The following STON2 variants were observed in gnomAD, a reference collection of about 807,000 sequenced individuals.
STON2 encodes stonin-2.
STON2 carries 29 observed loss-of-function variants against 65.7 expected under a neutral mutation model. The observed-to-expected ratio is 0.44, with a 90% confidence interval of 0.33 to 0.60. The LOEUF (loss-of-function observed/expected upper bound fraction) is 0.60. Ranked by LOEUF, STON2 falls within the 20% of genes least tolerant of loss-of-function variation. The pLI is 0.03. For missense variants in STON2, 1,054 were observed against 1,118.1 expected (o/e 0.94, Z 0.82); for synonymous variants, 404 against 414.2 (o/e 0.98, Z 0.30).
intron 5 of STON2, among the ~76,000 whole-genome samples, chr14:81,313,809 ATAC>A (rs1329172574): frequency 3.9e-4 from 31 of 78,752 alleles, no homozygotes; most frequent in East Asian, 1.9e-3. Context: ...AAAAAAAAAA[ATAC>A]ACACACACAC....
intron 3 of STON2, among the ~76,000 whole-genome samples, chr14:81,377,612 C>A (rs2140384690): frequency 6.6e-6 from 1 of 152,268 alleles, no homozygotes; most frequent in African/African-American, 2.4e-5. Context: ...AGTGGTTGTA[C>A]CATTTTATAT....
chr14:81,412,181 T>C (rs1193823108), intron 2 of STON2, among the ~76,000 whole-genome samples: 1 of 140,014 alleles, frequency 7.1e-6, no homozygotes, highest in Non-Finnish European at 1.5e-5. Flanking sequence ...GAGAAGTCAC[T>C]GAAGAAGTTT....
chr14:81,415,452 A>G (rs1901382319), intron 2 of STON2, among the ~76,000 whole-genome samples: 1 of 152,054 alleles, frequency 6.6e-6, no homozygotes, highest in Non-Finnish European at 1.5e-5. Flanking sequence ...AGACAAATTA[A>G]GAGCCCCCAA....
upstream of STON2, among the ~76,000 whole-genome samples, chr14:81,401,651 C>T (rs138096496): frequency 8.2e-4 from 125 of 152,282 alleles, no homozygotes; most frequent in Non-Finnish European, 1.5e-3. Flanking sequence ...TTAGAATCAC[C>T]ACAAATGAGT....
chr14:81,385,230 C>A (rs777587595), intron 3 of STON2, among the ~76,000 whole-genome samples: 15 of 152,222 alleles, frequency 9.9e-5, no homozygotes, highest in Non-Finnish European at 1.5e-4. Flanking sequence ...ACATTCTCTG[C>A]AAGAGGAGAA....
chr14:81,270,850 G>T lies in STON2; in HGVS notation c.2604C>A (p.Phe868Leu). 2 of 1,613,298 alleles carry T rather than the reference G, an allele frequency of 1.2e-6. No homozygotes were observed. Among genetic ancestry groups the T allele is most frequent in the Non-Finnish European group, 1.7e-6 (2 of 1,180,028 alleles). The change falls in exon 7 of 8, where the codon TTC becomes TTA. Residue 868 changes from phenylalanine to leucine, a missense_variant. By Grantham distance (22) the Phe-to-Leu change is conservative. Coordinates refer to ENST00000614646, the MANE Select transcript of STON2 (RefSeq NM_001394390.1). ...KNSASGHPHC[F>L]FCHLELGSDR... ...CAGAGCCGAGTTCAAGGTGGCAAAA[G>T]AAACAGTGTGGGTGACCGGAAGCTA...
chr14:81,394,562 T>C lies in STON2; in HGVS notation c.373+1332A>G, dbSNP rs146859580. On this transcript the variant is annotated intron_variant, in intron 3 of 7. Transcript: ENST00000614646. ...GTTAAGGACCTTGAGATGGGGACAT[T>C]ATCCCGGTGAGCCCAGTGTAACCAC... is the stretch of plus-strand genomic sequence containing the variant. Among the ~76,000 whole-genome samples the C allele has an allele frequency of 1.9e-3, 295 of 152,258 alleles. 3 individuals are homozygous for C. The highest frequency in any genetic ancestry group is 1.9e-3 in the South Asian group (9 of 4,826).
At chr14:81,339,741 G>C (rs1897519646) in intron 4 of STON2, among the ~76,000 whole-genome samples, 1 of 152,136 alleles carries the variant, frequency 6.6e-6, no homozygotes, top group Non-Finnish European at 1.5e-5. Flanking sequence ...ACACTAAAAA[G>C]TTGCATTTGA....
intron 2 of STON2, among the ~76,000 whole-genome samples, chr14:81,397,124 G>C (rs1900364751): frequency 6.6e-6 from 1 of 152,146 alleles, no homozygotes; most frequent in Non-Finnish European, 1.5e-5. Flanking sequence ...ATGTATACAT[G>C]TGCTGAAATT....
At chr14:81,284,723 C>A (rs1361283428) in intron 5 of STON2, among the ~76,000 whole-genome samples, 1 of 152,132 alleles carries the variant, frequency 6.6e-6, no homozygotes, top group South Asian at 2.1e-4. Flanking sequence ...AAGATGCCAT[C>A]TAGGATGTTA....
At chr14:81,377,067 T>C (rs1385604596) in intron 3 of STON2, among the ~76,000 whole-genome samples, 2 of 152,180 alleles carry the variant, frequency 1.3e-5, no homozygotes, top group African/African-American at 4.8e-5. Flanking sequence ...TGTAGGTACA[T>C]GTATCCACCA....
Position 81,289,583 on chromosome 14 carries a change from T to C in STON2, c.743-10844A>G, listed in dbSNP as rs28551571. ...GGGAATTTATCTTAAACAGGCTTAT[T>C]TACTTATGTTGACCAGGAACTGACC... is the stretch of plus-strand genomic sequence containing the variant. On this transcript the variant is annotated intron_variant, in intron 5 of 7. Transcript: ENST00000614646. Among the ~76,000 whole-genome samples, 180 of 152,260 alleles carry C rather than the reference T, an allele frequency of 1.2e-3. 2 individuals are homozygous for C. The highest frequency in any genetic ancestry group is 3.9e-3 in the African/African-American group (163 of 41,550).
At chr14:81,397,172 T>G (rs1182376233) in intron 2 of STON2, among the ~76,000 whole-genome samples, 1 of 152,220 alleles carries the variant, frequency 6.6e-6, no homozygotes, top group Non-Finnish European at 1.5e-5. Context: ...TTTTTCTGTA[T>G]AAAGGTTTTT....
intron 5 of STON2, among the ~76,000 whole-genome samples, chr14:81,282,459 CCAGA>C (rs778503792): frequency 3.6e-4 from 55 of 152,202 alleles, no homozygotes; most frequent in Admixed American, 9.2e-4. Context: ...TTAAATCCTA[CCAGA>C]CAAATAATAA....
At chr14:81,424,650 G>C (rs10146257) in intron 2 of STON2, among the ~76,000 whole-genome samples, 31,288 of 151,980 alleles carry the variant, frequency 0.21, 4,908 homozygotes, top group African/African-American at 0.42. Flanking sequence ...ATAGTGGGAG[G>C]ACAGGCTGTC....
chr14:81,411,052 T>C (rs1901131400), intron 2 of STON2, among the ~76,000 whole-genome samples: 1 of 152,242 alleles, frequency 6.6e-6, no homozygotes, highest in Non-Finnish European at 1.5e-5. Context: ...TAGGCCACTG[T>C]AAAATTAGGT....
chr14:81,394,359 G>A (rs1217273868), intron 3 of STON2, among the ~76,000 whole-genome samples: 5 of 151,950 alleles, frequency 3.3e-5, no homozygotes, highest in Non-Finnish European at 4.4e-5. Flanking sequence ...CTTAAAAAGT[G>A]ACACTAGCAA....
intron 4 of STON2, among the ~76,000 whole-genome samples, chr14:81,365,101 T>C (rs1482630156): frequency 6.6e-6 from 1 of 152,196 alleles, no homozygotes; most frequent in Non-Finnish European, 1.5e-5. Flanking sequence ...TGGAGGTTGC[T>C]AGCAAAATGG....
intron 6 of STON2, 131 bp downstream of exon 6, chr14:81,276,769 TG>T: frequency 3.8e-6 from 4 of 1,056,082 alleles, no homozygotes; most frequent in Non-Finnish European, 5.6e-6. Flanking sequence ...TTTACTTTTC[TG>T]GTCCCACTCC....
Sources: allele counts gnomAD v4.1 joint callset (sites outside exome capture counted in the v4.1 genomes callset), GRCh38; gene constraint gnomAD v4.1.1; transcripts MANE v1.5; gene names NCBI Gene and HGNC (gene_info 2026-07-23, HGNC 2026-07-21).